Variants in TVP23C observed in about 807,000 individuals in gnomAD.
TVP23C encodes the protein Golgi apparatus membrane protein TVP23 homolog C.
In TVP23C, 19 loss-of-function variants were observed where a neutral mutation model predicts 28.7. The observed-to-expected ratio is 0.66, with a 90% CI of 0.46 to 0.97. The LOEUF (loss-of-function observed/expected upper bound fraction) is 0.97. Among genes scored for constraint, TVP23C ranks in the 50% least tolerant of loss-of-function variants. The pLI is 0.00. For missense variants in TVP23C, 186 were observed against 241.3 expected, an observed-to-expected ratio of 0.77 and a Z score of 1.52; for synonymous variants, 68 against 81.7, an observed-to-expected ratio of 0.83 and a Z score of 0.90.
In TVP23C at chr17:15,537,624, C is replaced by T. The variant is rs373817011; in HGVS notation, c.*2788G>A. ...GTCTAAGAAATTTCCCCATGAAGTA[C>T]ATATTAAAAACTAACAATTATTTCT... On this transcript the variant is annotated 3_prime_UTR_variant, in exon 6 of 6. Coordinates refer to ENST00000518321, the MANE Select transcript of TVP23C (RefSeq NM_001135036.2). 2.4e-5 allele frequency: 24 copies of T among 985,346 alleles called. No individual in the cohort carries two copies. Among genetic ancestry groups the T allele is most frequent in the South Asian group, 4.7e-5 (1 of 21,292 alleles). 61.0% of individuals were successfully genotyped at this position (985,346 alleles called of 1,614,324 possible).
At position 15,539,953 on chromosome 17, in the gene TVP23C, C is replaced by T. The variant is rs536481508; in HGVS notation, c.*459G>A. On this transcript the variant is annotated 3_prime_UTR_variant, in exon 6 of 6. Coordinates refer to ENST00000518321, the MANE Select transcript of TVP23C (RefSeq NM_001135036.2). ...CTGAAAATACAAAAAATTAGCTGGGCGTGGTGGCATGCGCCTGTAATCCCA... is the reference window on the plus strand; with the variant it reads ...CTGAAAATACAAAAAATTAGCTGGGTGTGGTGGCATGCGCCTGTAATCCCA... 578 of 500,164 alleles carry T rather than the reference C, an allele frequency of 1.2e-3. 2 individuals are homozygous for T. Among genetic ancestry groups the T allele is most frequent in the Non-Finnish European group, 1.4e-3 (544 of 380,822 alleles). The allele number at this position is 500,164 out of a possible 1,614,324, so 31.0% of individuals were successfully genotyped here.
chr17:15,545,435 C>A (rs1330368025), intron 5 of TVP23C, among the ~76,000 whole-genome samples: 4 of 152,288 alleles, frequency 2.6e-5, no homozygotes, highest in Non-Finnish European at 5.9e-5. Flanking sequence ...GAGCCCTTCC[C>A]AAGATCCTGA....
chr17:15,511,670 C>A (rs576144365), intron 5 of TVP23C, among the ~76,000 whole-genome samples: 1 of 152,242 alleles, frequency 6.6e-6, no homozygotes, highest in South Asian at 2.1e-4. Context: ...TTCCTTCAAT[C>A]AGAATGTCCC....
At chr17:15,508,018 T>G (rs895380018) in intron 5 of TVP23C, among the ~76,000 whole-genome samples, 1 of 152,190 alleles carries the variant, frequency 6.6e-6, no homozygotes, top group Non-Finnish European at 1.5e-5. Flanking sequence ...TAATGTTTAT[T>G]AAGTGTTAGT....
At chr17:15,505,927 G>C (rs1201186324) in intron 5 of TVP23C, among the ~76,000 whole-genome samples, 1 of 152,254 alleles carries the variant, frequency 6.6e-6, no homozygotes, top group Non-Finnish European at 1.5e-5. Flanking sequence ...CCTTCCTGCA[G>C]GGCAGGGCTC....
chr17:15,536,405 G>T (rs1383402199), downstream of TVP23C, among the ~76,000 whole-genome samples: 1 of 152,154 alleles, frequency 6.6e-6, no homozygotes, highest in South Asian at 2.1e-4. Flanking sequence ...TCCTGGAAGT[G>T]TATCCATTGG....
chr17:15,554,298 C>A (rs544688066), intron 2 of TVP23C, among the ~76,000 whole-genome samples: 2 of 137,816 alleles, frequency 1.5e-5, no homozygotes, highest in African/African-American at 5.5e-5. Context: ...AGTTTGGTGG[C>A]GCAATCTCGG....
intron 5 of TVP23C, among the ~76,000 whole-genome samples, chr17:15,545,268 A>C (rs1983592011): frequency 6.6e-6 from 1 of 152,170 alleles, no homozygotes; most frequent in Non-Finnish European, 1.5e-5. Flanking sequence ...CACCACCATG[A>C]GGCCACCATG....
intron 1 of TVP23C, among the ~76,000 whole-genome samples, chr17:15,557,507 C>A (rs550669959): frequency 6.7e-6 from 1 of 148,480 alleles, no homozygotes; most frequent in Non-Finnish European, 1.5e-5. Context: ...CCACGTTGGC[C>A]AGGCTGGTTT....
In TVP23C at chr17:15,537,962, T is replaced by A. The variant is rs1256970701; in HGVS notation, c.*2450A>T. On this transcript the variant is annotated 3_prime_UTR_variant, in exon 6 of 6. Transcript: ENST00000518321. ...CTAGCCCCAACTGCTGGAAAGGAAATAAAAACTTAATATGAAAACTACTTT... is the reference window on the plus strand; with the variant it reads ...CTAGCCCCAACTGCTGGAAAGGAAAAAAAAACTTAATATGAAAACTACTTT... 6.9e-7 allele frequency: 1 copy of A among 1,454,012 alleles called. No individual in the cohort carries two copies. The highest frequency in any genetic ancestry group is 1.4e-5 in the African/African-American group (1 of 69,718). 90.1% of individuals were successfully genotyped at this position (1,454,012 alleles called of 1,614,324 possible). A position where few individuals can be genotyped will look rare whatever the true frequency, so the allele number is the denominator to read the frequency against.
At chr17:15,554,863 A>T (rs112831727) in intron 2 of TVP23C, among the ~76,000 whole-genome samples, 1 of 152,262 alleles carries the variant, frequency 6.6e-6, no homozygotes, top group Non-Finnish European at 1.5e-5. Flanking sequence ...AAAAGTAAAA[A>T]ACAGCATTTT....
chr17:15,514,274 G>A (rs1015933880), intron 5 of TVP23C, among the ~76,000 whole-genome samples: 2 of 151,996 alleles, frequency 1.3e-5, no homozygotes, highest in Admixed American at 6.5e-5. Flanking sequence ...CAAATCAAAC[G>A]ACAAGTAAGT....
rs1340305469 is a variant in TVP23C, at chr17:15,540,390, A to T, written c.*22T>A. 6.4e-7 allele frequency: 1 copy of T among 1,565,130 alleles called. No individual in the cohort carries two copies. The highest frequency in any genetic ancestry group is 1.4e-5 in the African/African-American group (1 of 71,384). The stretch of plus-strand genomic sequence containing the variant: ...ATAAAAATTAAACTATGAAAGTTAG[A>T]AATAATTGCATTAGTCACTGATCAC... On this transcript the variant is annotated 3_prime_UTR_variant, in exon 6 of 6. Coordinates refer to ENST00000518321, the MANE Select transcript of TVP23C (RefSeq NM_001135036.2).
In TVP23C at chr17:15,540,389, G is replaced by A. The variant is rs760757243; in HGVS notation, c.*23C>T. ...CATAAAAATTAAACTATGAAAGTTA[G>A]AAATAATTGCATTAGTCACTGATCA... is the stretch of plus-strand genomic sequence containing the variant. On this transcript the variant is annotated 3_prime_UTR_variant, in exon 6 of 6. Coordinates refer to ENST00000518321, the MANE Select transcript of TVP23C (RefSeq NM_001135036.2). 1.4e-5 allele frequency: 22 copies of A among 1,563,774 alleles called. No individual in the cohort carries two copies. Among genetic ancestry groups the A allele is most frequent in the Non-Finnish European group, 1.8e-5 (21 of 1,150,418 alleles).
chr17:15,527,722 T>C (rs1034745748), intron 5 of TVP23C, among the ~76,000 whole-genome samples: 12 of 152,162 alleles, frequency 7.9e-5, no homozygotes, highest in Non-Finnish European at 1.8e-4. Flanking sequence ...AAAAAGGATA[T>C]TGAACTGGAT....
chr17:15,503,873 G>A (rs776223455), intron 5 of TVP23C, among the ~76,000 whole-genome samples: 19 of 151,408 alleles, frequency 1.3e-4, no homozygotes, highest in Non-Finnish European at 2.4e-4. Flanking sequence ...TTATGGTAGG[G>A]TTCTAGGAGG....
At chr17:15,536,756 T>C (rs1172514329), downstream of TVP23C, among the ~76,000 whole-genome samples, 2 of 150,474 alleles carry the variant, frequency 1.3e-5, no homozygotes, top group African/African-American at 4.9e-5. Flanking sequence ...AACAGCTAAG[T>C]AAAATAAACA....
At chr17:15,505,707 G>C (rs187671829) in intron 5 of TVP23C, among the ~76,000 whole-genome samples, 4 of 152,216 alleles carry the variant, frequency 2.6e-5, no homozygotes, top group Non-Finnish European at 5.9e-5. Context: ...GGAGAGGGGC[G>C]AGCGGGAACC....
At chr17:15,522,005 C>T (rs1292836825) in intron 5 of TVP23C, among the ~76,000 whole-genome samples, 1 of 152,196 alleles carries the variant, frequency 6.6e-6, no homozygotes, top group Non-Finnish European at 1.5e-5. Context: ...TATCTGCTCA[C>T]ATTCTAATCA....
Sources: gnomAD v4.1 joint callset for allele counts (sites outside exome capture counted in the v4.1 genomes callset) on GRCh38, gnomAD v4.1.1 for gene constraint, MANE v1.5 for transcripts, NCBI Gene and HGNC (gene_info 2026-07-23, HGNC 2026-07-21) for gene names.